The following MAP4 variants were observed in gnomAD, a reference collection of about 807,000 sequenced individuals.
The protein encoded by MAP4 is microtubule-associated protein 4.
In MAP4, 76 loss-of-function variants were observed where a neutral mutation model predicts 170.2. That is an observed-to-expected ratio of 0.45 (90% confidence interval 0.37 to 0.54). The LOEUF (loss-of-function observed/expected upper bound fraction) is 0.54. Among genes scored for constraint, MAP4 ranks in the 20% least tolerant of loss-of-function variants. The pLI is 0.00. For synonymous variants in MAP4, 909 were observed against 994.5 expected, an observed-to-expected ratio of 0.91 and a Z score of 1.62; for missense variants, 2,506 against 2,748.0, an observed-to-expected ratio of 0.91 and a Z score of 1.97.
intron 16 of MAP4, 133 bp from the exon 17 acceptor site, chr3:47,867,471 C>T (rs2082520574): frequency 2.9e-6 from 2 of 689,878 alleles, no homozygotes; most frequent in Non-Finnish European, 2.6e-6. Flanking sequence ...CCCCCACCTT[C>T]TACAGAACAG....
At position 47,911,961 on chromosome 3, in the gene MAP4, A is replaced by T. The variant is rs1176887658; in HGVS notation, c.2460T>A (p.Gly820=). Residue 820 remains glycine (G), a synonymous_variant, in exon 9 of 21, where the codon GGT becomes GGA. Coordinates refer to ENST00000683076, the MANE Select transcript of MAP4 (RefSeq NM_001385682.1). This position sits in a 1 kb window ranked among gnomAD's most constrained non-coding sequence, Gnocchi z 4.0. ...CTCCAGATACAAGTCCATATTCTGTACCCATAGTGGTAGGCTGGCTGGGGA... is the reference window on the plus strand; with the variant it reads ...CTCCAGATACAAGTCCATATTCTGTTCCCATAGTGGTAGGCTGGCTGGGGA... ...GVLPSQPTTM[G]TEYGLVSGEN... 3 of 1,536,046 alleles carry T rather than the reference A, an allele frequency of 2.0e-6. No homozygotes were observed. Among genetic ancestry groups the T allele is most frequent in the African/African-American group, 1.4e-5 (1 of 73,130 alleles).
intron 3 of MAP4, among the ~76,000 whole-genome samples, chr3:47,966,859 C>T (rs1017410949): frequency 6.6e-6 from 1 of 152,184 alleles, no homozygotes; most frequent in Admixed American, 6.5e-5. Flanking sequence ...TAAGTCAATA[C>T]CACACAGTTT....
chr3:48,087,759 A>ACGCG (rs1408625160), intron 1 of MAP4, among the ~76,000 whole-genome samples: 1 of 150,704 alleles, frequency 6.6e-6, no homozygotes, highest in African/African-American at 2.4e-5. Context: ...ACACACACAC[A>ACGCG]CACACACACA....
chr3:47,852,570 C>T lies in MAP4; in HGVS notation c.*364G>A, dbSNP rs1017259581. On this transcript the variant is annotated 3_prime_UTR_variant, in exon 21 of 21. Transcript: ENST00000683076. ...AAAGATGAGGATAGAATCTGGTTCTCCTCTCCTAGATCCCAACTTAGCCTC... is the reference window on the plus strand; with the variant it reads ...AAAGATGAGGATAGAATCTGGTTCTTCTCTCCTAGATCCCAACTTAGCCTC... 3.5e-6 allele frequency: 2 copies of T among 575,378 alleles called. No homozygotes were observed. Among genetic ancestry groups the T allele is most frequent in the Non-Finnish European group, 5.9e-6 (2 of 337,342 alleles). 35.6% of individuals were successfully genotyped at this position (575,378 alleles called of 1,614,324 possible).
At chr3:47,965,999 T>A (rs1276040462) in intron 3 of MAP4, among the ~76,000 whole-genome samples, 1 of 152,148 alleles carries the variant, frequency 6.6e-6, no homozygotes, top group African/African-American at 2.4e-5. Flanking sequence ...AAGAAATGTA[T>A]AGCCTTGGTG....
intron 2 of MAP4, among the ~76,000 whole-genome samples, chr3:47,982,334 A>G (rs949264596): frequency 6.6e-6 from 1 of 152,346 alleles, no homozygotes; most frequent in African/African-American, 2.4e-5. Flanking sequence ...GCATAAAAAT[A>G]TATTACATTA....
chr3:48,011,716 G>T (rs1308804247), intron 1 of MAP4, among the ~76,000 whole-genome samples: 3 of 152,050 alleles, frequency 2.0e-5, no homozygotes, highest in African/African-American at 7.2e-5. Context: ...TGAGAAATGA[G>T]TTCATTAAAG....
In MAP4 at chr3:48,041,441, A is replaced by T. The variant is rs984703842; in HGVS notation, c.-19-42562T>A. 2.6e-4 allele frequency among the ~76,000 whole-genome samples: 36 copies of T among 136,014 alleles called. 1 individual carries two copies. The highest frequency in any genetic ancestry group is 3.4e-3 in the Middle Eastern group (1 of 290). 89.2% of individuals were successfully genotyped at this position (136,014 alleles called of 152,430 possible). Reference sequence around the variant, plus strand: ...TGAACAATTTATACTCTGAAAAATTAAAAAAAAAAAATTCCTGAAAGAAAT... The same window carrying T: ...TGAACAATTTATACTCTGAAAAATTTAAAAAAAAAAATTCCTGAAAGAAAT... On this transcript the variant is annotated intron_variant, in intron 1 of 18. Transcript: ENST00000360240.
chr3:48,019,168 T>C (rs1012023165), upstream of MAP4, among the ~76,000 whole-genome samples: 12 of 151,848 alleles, frequency 7.9e-5, no homozygotes, highest in African/African-American at 2.9e-4. Flanking sequence ...CAAGACACCA[T>C]CTCTACAAAA....
intron 1 of MAP4, among the ~76,000 whole-genome samples, chr3:48,054,178 G>A (rs2100129363): frequency 6.6e-6 from 1 of 151,994 alleles, no homozygotes; most frequent in African/African-American, 2.4e-5. Flanking sequence ...CGCACCTGTA[G>A]TCTCAGCAAG....
intron 3 of MAP4, among the ~76,000 whole-genome samples, chr3:47,958,559 CA>C (rs763339467): frequency 6.6e-6 from 1 of 152,078 alleles, no homozygotes; most frequent in Non-Finnish European, 1.5e-5. Flanking sequence ...CTCTGTTGCC[CA>C]GGCTGGAGTG....
intron 5 of MAP4, among the ~76,000 whole-genome samples, chr3:47,920,744 A>C (rs2100042399): frequency 6.6e-6 from 1 of 151,446 alleles, no homozygotes; most frequent in Non-Finnish European, 1.5e-5. Flanking sequence ...GTAGGACAGG[A>C]TCTCCCTATG....
intron 10 of MAP4, among the ~76,000 whole-genome samples, chr3:47,896,951 C>T (rs1175635471): frequency 6.6e-6 from 1 of 152,080 alleles, no homozygotes; most frequent in East Asian, 1.9e-4. Flanking sequence ...CCCTAACAGA[C>T]CCCTCATTTT....
At chr3:47,857,354 G>T in intron 18 of MAP4, 77 bp downstream of exon 18, 1 of 1,197,452 alleles carries the variant, frequency 8.4e-7, no homozygotes, top group South Asian at 1.2e-5. Flanking sequence ...ACCCTTGCCA[G>T]CCAGCTGGCT....
chr3:47,952,403 G>C (rs902419911), intron 3 of MAP4, among the ~76,000 whole-genome samples: 2 of 152,226 alleles, frequency 1.3e-5, no homozygotes, highest in African/African-American at 4.8e-5. Flanking sequence ...ACAGCTCATT[G>C]AGAACGGGCC....
chr3:47,973,360 T>C, intron 3 of MAP4: 1 of 985,426 alleles, frequency 1.0e-6, no homozygotes, highest in Non-Finnish European at 1.2e-6. Flanking sequence ...ACCATTGAGA[T>C]ACTGGACCAC....
chr3:47,897,607 T>C lies in MAP4; in HGVS notation c.5434+5343A>G, dbSNP rs557217079. Among the ~76,000 whole-genome samples, 21 of 152,164 alleles carry C rather than the reference T, an allele frequency of 1.4e-4. No homozygotes were observed. The South Asian group carries it at 4.4e-3, about 32-fold the overall frequency. On this transcript the variant is annotated intron_variant, in intron 10 of 20. Transcript: ENST00000683076. Reference sequence around the variant, plus strand: ...TGAAGTAAGGGAGAAAAAGAGGCAATGCACTTGGTTTCGGTGTTTACTTTA... The same window carrying C: ...TGAAGTAAGGGAGAAAAAGAGGCAACGCACTTGGTTTCGGTGTTTACTTTA...
Position 47,912,250 on chromosome 3 carries a change from G to A in MAP4, c.2171C>T (p.Ser724Leu). The A allele has an allele frequency of 1.3e-6, 2 of 1,536,088 alleles. No homozygotes were observed. The highest frequency in any genetic ancestry group is 1.2e-5 in the South Asian group (1 of 84,050). Residue 724 changes from serine (S) to leucine (L), a missense_variant, in exon 9 of 21, where the codon TCA becomes TTA. Around this residue, in one of 3 missense-constraint regions of MAP4, gnomAD observed 2,008 missense variants for 2,206.0 expected, o/e 0.91. Coordinates refer to ENST00000683076, the MANE Select transcript of MAP4 (RefSeq NM_001385682.1). ...GGAGGATGAACCAGAGACCCAACCTGACTCAGACAAAGAGCAGTGGCCCAG... is the reference window on the plus strand; with the variant it reads ...GGAGGATGAACCAGAGACCCAACCTAACTCAGACAAAGAGCAGTGGCCCAG... ...HRLGHCSLSE[S>L]GWVSGSSSCG...
intron 3 of MAP4, among the ~76,000 whole-genome samples, chr3:47,945,451 G>A (rs2100059181): frequency 6.6e-6 from 1 of 151,962 alleles, no homozygotes; most frequent in Non-Finnish European, 1.5e-5. Context: ...AGTCCTTTGA[G>A]AACAAGGACT....
Sources: allele counts gnomAD v4.1 joint callset (sites outside exome capture counted in the v4.1 genomes callset), GRCh38; gene constraint gnomAD v4.1.1; regional missense constraint gnomAD v4.1.1; non-coding constraint Gnocchi (gnomAD v3.1); transcripts MANE v1.5; gene names NCBI Gene and HGNC (gene_info 2026-07-23, HGNC 2026-07-21).